LRRC4C: variants seen among roughly 807,000 people sequenced by gnomAD.
The protein encoded by LRRC4C is leucine-rich repeat-containing protein 4C.
In LRRC4C, 5 loss-of-function variants were observed where a neutral mutation model predicts 33.6. The observed-to-expected ratio is 0.15, with a 90% CI of 0.08 to 0.31. The LOEUF (loss-of-function observed/expected upper bound fraction) is 0.31, where lower values mean the gene tolerates loss of function less well. LRRC4C is among the 10% of genes least tolerant of loss of function. The pLI, the probability that LRRC4C is intolerant of heterozygous loss-of-function variation, is 1.00. For synonymous variants in LRRC4C, 329 were observed against 302.0 expected, an observed-to-expected ratio of 1.09 and a Z score of -0.93; for missense variants, 560 against 796.7, an observed-to-expected ratio of 0.70 and a Z score of 3.58.
chr11:41,200,745 CT>C (rs1266333933), intron 1 of LRRC4C, among the ~76,000 whole-genome samples: 1 of 152,172 alleles, frequency 6.6e-6, no homozygotes, highest in Non-Finnish European at 1.5e-5. Flanking sequence ...CCCCCAAAAA[CT>C]ATTTTCTTTT....
intron 1 of LRRC4C, among the ~76,000 whole-genome samples, chr11:41,109,782 TG>T: frequency 6.6e-6 from 1 of 152,188 alleles, no homozygotes; most frequent in East Asian, 1.9e-4. Context: ...TTCTTCCCAT[TG>T]AAATTCTTCT....
At chr11:40,863,626 T>A (rs1364613105) in intron 2 of LRRC4C, among the ~76,000 whole-genome samples, 1 of 152,164 alleles carries the variant, frequency 6.6e-6, no homozygotes, top group Non-Finnish European at 1.5e-5. Flanking sequence ...CAGAAAATTT[T>A]GTGAGCCATA....
chr11:40,199,653 A>T (rs916463041), intron 5 of LRRC4C, among the ~76,000 whole-genome samples: 1 of 152,228 alleles, frequency 6.6e-6, no homozygotes, highest in African/African-American at 2.4e-5. Flanking sequence ...TTATAAAGAT[A>T]TTAAGATTCT....
intron 1 of LRRC4C, among the ~76,000 whole-genome samples, chr11:41,088,958 C>T (rs904216026): frequency 6.6e-6 from 1 of 151,972 alleles, no homozygotes; most frequent in Non-Finnish European, 1.5e-5. Flanking sequence ...ACATAATATT[C>T]CCAAGCTATG....
intron 3 of LRRC4C, among the ~76,000 whole-genome samples, chr11:40,469,304 G>A (rs1952807546): frequency 6.6e-6 from 1 of 152,188 alleles, no homozygotes; most frequent in Non-Finnish European, 1.5e-5. Context: ...CCCTAGCCAA[G>A]GGAAGCCATG....
intron 1 of LRRC4C, among the ~76,000 whole-genome samples, chr11:40,942,363 T>G (rs894132714): frequency 6.6e-6 from 1 of 152,166 alleles, no homozygotes; most frequent in Admixed American, 6.6e-5. Context: ...GTAGTGGTCA[T>G]GGGAGTGTTA....
rs562565437 is a variant in LRRC4C, at chr11:41,270,394, A to T, written c.-496+189037T>A. Among the ~76,000 whole-genome samples the T allele has an allele frequency of 5.3e-5, 8 of 152,240 alleles. 1 individual carries two copies. Among genetic ancestry groups the T allele is most frequent in the Admixed American group, 5.2e-4 (8 of 15,280 alleles). On this transcript the variant is annotated intron_variant, in intron 1 of 6. Coordinates refer to ENST00000528697, the MANE Select transcript of LRRC4C (RefSeq NM_001258419.2). ...TCTTATTATAATATAAACAAATTAT[A>T]AAGTTGTATTAGAAATAACCAGGTC...
chr11:40,596,186 G>A (rs1959272449), intron 3 of LRRC4C, among the ~76,000 whole-genome samples: 1 of 152,140 alleles, frequency 6.6e-6, no homozygotes, highest in Non-Finnish European at 1.5e-5. Flanking sequence ...AACTCATGGC[G>A]CAAGGCTAGG....
intron 2 of LRRC4C, among the ~76,000 whole-genome samples, chr11:40,925,250 C>T (rs1003629874): frequency 2.0e-5 from 3 of 151,944 alleles, no homozygotes; most frequent in African/African-American, 7.3e-5. Flanking sequence ...TTTTATTTTC[C>T]CACCCTCAAG....
intron 1 of LRRC4C, among the ~76,000 whole-genome samples, chr11:41,104,968 G>T (rs1941410381): frequency 6.6e-6 from 1 of 151,792 alleles, no homozygotes; most frequent in Non-Finnish European, 1.5e-5. Flanking sequence ...TGGGTAAAAG[G>T]TTCCTATTTG....
At chr11:40,941,739 T>C (rs1174443302) in intron 1 of LRRC4C, among the ~76,000 whole-genome samples, 1 of 152,182 alleles carries the variant, frequency 6.6e-6, no homozygotes. Flanking sequence ...TACAAATATT[T>C]ATTAAATACT....
At position 41,325,580 on chromosome 11, in the gene LRRC4C, TGTGTG is replaced by T. The variant is rs749707611; in HGVS notation, c.-496+133846_-496+133850del. ...TTGTCCTTATAGTTTTTTTTTTTTG[TGTGTG>T]TGTGTGTGTGTGTGTGTGTGTGTGT... On this transcript the variant is annotated intron_variant, in intron 1 of 6. Transcript: ENST00000528697. Among the ~76,000 whole-genome samples, 8 of 45,162 alleles carry T rather than the reference TGTGTG, an allele frequency of 1.8e-4. 1 individual carries two copies. The highest frequency in any genetic ancestry group is 7.2e-4 in the South Asian group (1 of 1,386). 29.6% of individuals were successfully genotyped at this position (45,162 alleles called of 152,430 possible).
chr11:40,347,462 CTT>C (rs2137056439), intron 3 of LRRC4C, among the ~76,000 whole-genome samples: 1 of 152,278 alleles, frequency 6.6e-6, no homozygotes, highest in South Asian at 2.1e-4. Flanking sequence ...TGAAGTCTCA[CTT>C]TTAATTTTCT....
rs541623417 is a variant in LRRC4C, at chr11:40,834,290, G to A, written c.-407+99345C>T. 6.7e-4 allele frequency among the ~76,000 whole-genome samples: 102 copies of A among 152,126 alleles called. 1 individual carries two copies. Among genetic ancestry groups the A allele is most frequent in the African/African-American group, 2.4e-3 (101 of 41,502 alleles). ...AGTTCGAGACCAGCCTGCCAACATGGTAAAACCCTGTCTCTACTAAAAATA... is the reference window on the plus strand; with the variant it reads ...AGTTCGAGACCAGCCTGCCAACATGATAAAACCCTGTCTCTACTAAAAATA... On this transcript the variant is annotated intron_variant, in intron 2 of 6. Coordinates refer to ENST00000528697, the MANE Select transcript of LRRC4C (RefSeq NM_001258419.2).
intron 1 of LRRC4C, among the ~76,000 whole-genome samples, chr11:41,247,003 C>T (rs779241185): frequency 1.3e-4 from 20 of 152,174 alleles, no homozygotes; most frequent in Admixed American, 6.5e-4. Context: ...TCCACCCCAC[C>T]GGGTGAAGGT....
chr11:41,326,194 C>T (rs1951113057), intron 1 of LRRC4C, among the ~76,000 whole-genome samples: 1 of 151,974 alleles, frequency 6.6e-6, no homozygotes, highest in African/African-American at 2.4e-5. Flanking sequence ...AAAGAGCAGA[C>T]CTGATTTGCT....
chr11:40,526,985 A>C (rs918371919), intron 3 of LRRC4C, among the ~76,000 whole-genome samples: 4 of 152,194 alleles, frequency 2.6e-5, no homozygotes, highest in African/African-American at 9.6e-5. Flanking sequence ...AGCTGAGGAC[A>C]ATAGAATTTT....
chr11:41,166,562 G>T (rs1944738228), intron 1 of LRRC4C, among the ~76,000 whole-genome samples: 1 of 152,068 alleles, frequency 6.6e-6, no homozygotes, highest in Non-Finnish European at 1.5e-5. Context: ...TATATAGTTT[G>T]TGCCCTCTGT....
At chr11:41,353,155 G>A (rs1254285480) in intron 1 of LRRC4C, among the ~76,000 whole-genome samples, 3 of 151,780 alleles carry the variant, frequency 2.0e-5, no homozygotes, top group Admixed American at 1.3e-4. Flanking sequence ...AAAGAGAGAA[G>A]AGCCAAATAA....
Sources: gnomAD v4.1 joint callset for allele counts (sites outside exome capture counted in the v4.1 genomes callset) on GRCh38, gnomAD v4.1.1 for gene constraint, MANE v1.5 for transcripts, NCBI Gene and HGNC (gene_info 2026-07-23, HGNC 2026-07-21) for gene names.